The following TDRD5 variants were observed in gnomAD, a reference collection of about 807,000 sequenced individuals.
TDRD5 encodes tudor domain containing 5.
TDRD5 carries 41 observed loss-of-function variants against 120.6 expected under a neutral mutation model. The observed-to-expected ratio is 0.34, with a 90% CI of 0.26 to 0.44. The LOEUF (loss-of-function observed/expected upper bound fraction) is 0.44, where lower values mean the gene tolerates loss of function less well. Among genes scored for constraint, TDRD5 ranks in the 20% least tolerant of loss-of-function variants. TDRD5 has a pLI of 1.00. For missense variants in TDRD5, 1,006 were observed against 1,221.2 expected (o/e 0.82, Z 2.63); for synonymous variants, 430 against 433.7 (o/e 0.99, Z 0.11).
At chr1:179,602,674 A>G (rs1355278360) in intron 4 of TDRD5, among the ~76,000 whole-genome samples, 1 of 152,146 alleles carries the variant, frequency 6.6e-6, no homozygotes, top group African/African-American at 2.4e-5. Flanking sequence ...TTTGTCAAAG[A>G]TCAGTTGGCT....
At chr1:179,659,679 TTTGA>T (rs112473200) in intron 14 of TDRD5, among the ~76,000 whole-genome samples, 4,414 of 151,644 alleles carry the variant, frequency 0.029, 219 homozygotes, top group African/African-American at 0.1. Context: ...CAGCATATAG[TTTGA>T]TTATTTATTT....
chr1:179,649,392 C>T (rs532418339), intron 11 of TDRD5, among the ~76,000 whole-genome samples: 1 of 151,914 alleles, frequency 6.6e-6, no homozygotes, highest in African/African-American at 2.4e-5. Flanking sequence ...AGTTTTTCTT[C>T]CATTTCTCTT....
intron 17 of TDRD5, 27 bp downstream of exon 17, chr1:179,669,431 T>G (rs1558420384): frequency 6.2e-7 from 1 of 1,611,250 alleles, no homozygotes; most frequent in South Asian, 1.1e-5. Flanking sequence ...TTGTGCATGC[T>G]CACAGTTGAC....
chr1:179,646,540 G>C (rs898466062), intron 11 of TDRD5, among the ~76,000 whole-genome samples: 9 of 147,092 alleles, frequency 6.1e-5, no homozygotes, highest in Admixed American at 1.4e-4. Context: ...TTGAAAACTG[G>C]CACAAGACAG....
intron 17 of TDRD5, among the ~76,000 whole-genome samples, chr1:179,672,181 A>C (rs149974262): frequency 1.2e-4 from 18 of 152,256 alleles, no homozygotes; most frequent in African/African-American, 4.3e-4. Flanking sequence ...CTCTTTAAGG[A>C]ATCTCCACAC....
At chr1:179,635,963 A>G in intron 9 of TDRD5, 76 bp downstream of exon 9, 1 of 1,369,076 alleles carries the variant, frequency 7.3e-7, no homozygotes. Context: ...CGGTTTCAGG[A>G]CTCTTAAAAA....
At chr1:179,686,645 G>C (rs1007069907) in intron 17 of TDRD5, among the ~76,000 whole-genome samples, 3 of 151,738 alleles carry the variant, frequency 2.0e-5, no homozygotes, top group African/African-American at 7.3e-5. Flanking sequence ...ACCTCTGGTA[G>C]AATTCGGCTG....
chr1:179,627,224 C>T (rs12065088), intron 6 of TDRD5, among the ~76,000 whole-genome samples: 2,017 of 152,204 alleles, frequency 0.013, 55 homozygotes, highest in African/African-American at 0.045. Context: ...AACTCTTGTT[C>T]CCATGAGCCC....
intron 6 of TDRD5, among the ~76,000 whole-genome samples, 189 bp from the exon 7 acceptor site, chr1:179,630,578 A>G (rs1389659336): frequency 1.3e-5 from 2 of 152,150 alleles, no homozygotes; most frequent in Admixed American, 1.3e-4. Context: ...ACATTGACCC[A>G]GAAGTTTTAT....
chr1:179,680,320 GTGT>G (rs1274963346), intron 17 of TDRD5, among the ~76,000 whole-genome samples: 1 of 152,174 alleles, frequency 6.6e-6, no homozygotes, highest in East Asian at 1.9e-4. Flanking sequence ...GTGATGAATA[GTGT>G]TGTTTGAATC....
chr1:179,685,736 T>C (rs1189455155), intron 17 of TDRD5, among the ~76,000 whole-genome samples: 1 of 152,150 alleles, frequency 6.6e-6, no homozygotes, highest in Admixed American at 6.6e-5. Context: ...GGTTTGTAGT[T>C]CTCCTTGAAG....
intron 17 of TDRD5, among the ~76,000 whole-genome samples, chr1:179,689,448 T>C (rs1466258322): frequency 6.6e-6 from 1 of 151,498 alleles, no homozygotes; most frequent in African/African-American, 2.4e-5. Flanking sequence ...CTGTATGAGG[T>C]GTCAATTGGC....
At chr1:179,623,647 T>TTTTTTTTTA (rs1676963225) in intron 6 of TDRD5, among the ~76,000 whole-genome samples, 1 of 141,982 alleles carries the variant, frequency 7.0e-6, no homozygotes, top group Non-Finnish European at 1.5e-5. Flanking sequence ...TTTTTTTTTT[T>TTTTTTTTTA]CCTTTTAAGA....
intron 11 of TDRD5, among the ~76,000 whole-genome samples, chr1:179,648,654 A>T (rs1442109147): frequency 6.6e-6 from 1 of 152,056 alleles, no homozygotes; most frequent in African/African-American, 2.4e-5. Flanking sequence ...AAAATTTTAA[A>T]CTTAGAAATC....
rs112094740 is a variant in TDRD5 at position 179,623,940 on chromosome 1, C to T, written c.972+2849C>T. On this transcript the variant is annotated intron_variant, in intron 6 of 17. Coordinates refer to ENST00000444136, the MANE Select transcript of TDRD5 (RefSeq NM_001199085.3). ...AGGCATGAGCCACCACACCTGGCCT[C>T]CCCAACTCATTCTATAAATACATTG... 6.8e-3 allele frequency among the ~76,000 whole-genome samples: 1,028 copies of T among 152,164 alleles called. 15 individuals are homozygous for T. Among genetic ancestry groups the T allele is most frequent in the African/African-American group, 0.024 (985 of 41,502 alleles).
chr1:179,635,608 A>G, intron 8 of TDRD5, 59 bp from the exon 9 acceptor site: 1 of 1,460,458 alleles, frequency 6.8e-7, no homozygotes, highest in Non-Finnish European at 9.3e-7. Context: ...TTTGAGAAAC[A>G]TGCCATGGGG....
chr1:179,671,478 T>A lies in TDRD5; in HGVS notation c.2860+2074T>A, dbSNP rs117093944. Among the ~76,000 whole-genome samples, 877 of 152,362 alleles carry A rather than the reference T, an allele frequency of 5.8e-3. 14 individuals carry two copies. In the East Asian group the frequency reaches 0.063, roughly 11 times the overall value. On this transcript the variant is annotated intron_variant, in intron 17 of 17. Coordinates refer to ENST00000444136, the MANE Select transcript of TDRD5 (RefSeq NM_001199085.3). ...TATCCACATACTACATTTTTTGTTT[T>A]GCAACAAAGTTTTCATTAGAATGTA... is the stretch of plus-strand genomic sequence containing the variant.
At chr1:179,674,229 G>A (rs1189131239) in intron 17 of TDRD5, among the ~76,000 whole-genome samples, 1 of 152,088 alleles carries the variant, frequency 6.6e-6, no homozygotes, top group Non-Finnish European at 1.5e-5. Flanking sequence ...CCTATATGCC[G>A]ATTTTGCTGA....
chr1:179,628,721 CTG>C (rs1174634166), intron 6 of TDRD5, among the ~76,000 whole-genome samples: 4 of 152,088 alleles, frequency 2.6e-5, no homozygotes, highest in African/African-American at 9.7e-5. Flanking sequence ...TTAAAAGAAA[CTG>C]AGTCTCAGGA....
Sources: gnomAD v4.1 joint callset for allele counts (sites outside exome capture counted in the v4.1 genomes callset) on GRCh38, gnomAD v4.1.1 for gene constraint, MANE v1.5 for transcripts, NCBI Gene and HGNC (gene_info 2026-07-23, HGNC 2026-07-21) for gene names.